Variants in PLAA observed in about 807,000 individuals in gnomAD.
The protein encoded by PLAA is phospholipase A-2-activating protein.
A neutral mutation model predicts 84.1 loss-of-function variants in PLAA; 48 were observed. The observed-to-expected ratio is 0.57, with a 90% confidence interval of 0.45 to 0.73. The LOEUF (loss-of-function observed/expected upper bound fraction) is 0.73, where lower values mean the gene tolerates loss of function less well. Among genes scored for constraint, PLAA ranks in the 30% least tolerant of loss-of-function variants. PLAA has a pLI of 0.00. For synonymous variants in PLAA, 392 were observed against 336.6 expected, an observed-to-expected ratio of 1.16 and a Z score of -1.80; for missense variants, 903 against 954.7, an observed-to-expected ratio of 0.95 and a Z score of 0.71.
chr9:26,919,705 T>C lies in PLAA; in HGVS notation c.1198-176A>G, dbSNP rs141361903. On this transcript the variant is annotated intron_variant, in intron 8 of 13. Coordinates refer to ENST00000397292, the MANE Select transcript of PLAA (RefSeq NM_001031689.3). ...TAAAGATTAACAGCCCCCATCTGCA[T>C]GTGATGCAAAATTAGTATTTCATTA... Among the ~76,000 whole-genome samples the C allele has an allele frequency of 2.1e-3, 325 of 152,318 alleles. 3 individuals carry two copies. Among genetic ancestry groups the C allele is most frequent in the African/African-American group, 7.4e-3 (308 of 41,574 alleles).
chr9:26,918,288 A>ATTT (rs1185916022), intron 9 of PLAA, among the ~76,000 whole-genome samples: 3,037 of 95,650 alleles, frequency 0.032, 173 homozygotes, highest in African/African-American at 0.11. Flanking sequence ...AATTTTTTGT[A>ATTT]TTTTTTTTTT....
At chr9:26,932,144 T>C (rs1197027454) in intron 2 of PLAA, among the ~76,000 whole-genome samples, 4 of 152,150 alleles carry the variant, frequency 2.6e-5, no homozygotes, top group Non-Finnish European at 5.9e-5. Context: ...CTTATTTGGG[T>C]CAGAATTCAA....
Position 26,947,236 on chromosome 9 carries a change from C to T in PLAA, c.-191G>A, listed in dbSNP as rs1364154723. 3.3e-6 allele frequency: 2 copies of T among 598,386 alleles called. No homozygotes were observed. The highest frequency in any genetic ancestry group is 3.9e-5 in the African/African-American group (2 of 50,810). 37.1% of individuals were successfully genotyped at this position (598,386 alleles called of 1,614,324 possible). On this transcript the variant is annotated 5_prime_UTR_variant, in exon 1 of 14. Transcript: ENST00000397292. ...GCGCCGAGCGGGCCGAGTGACACAGCAAGCCTGACAGGCACTCCGGAATTC... is the reference window on the plus strand; with the variant it reads ...GCGCCGAGCGGGCCGAGTGACACAGTAAGCCTGACAGGCACTCCGGAATTC...
chr9:26,946,270 CTT>C (rs564163575), intron 1 of PLAA, among the ~76,000 whole-genome samples: 1 of 146,610 alleles, frequency 6.8e-6, no homozygotes. Flanking sequence ...CCTTTTTCTT[CTT>C]TTTTTTTTTG....
At chr9:26,943,185 G>A (rs76711215) in intron 1 of PLAA, among the ~76,000 whole-genome samples, 1 of 152,116 alleles carries the variant, frequency 6.6e-6, no homozygotes, top group Non-Finnish European at 1.5e-5. Flanking sequence ...CTAGCTTATA[G>A]AGACCTGAAG....
Position 26,905,821 on chromosome 9 carries a change from C to T in PLAA, c.2078G>A (p.Gly693Glu). 1.2e-6 allele frequency: 2 copies of T among 1,614,056 alleles called. No individual in the cohort carries two copies. The highest frequency in any genetic ancestry group is 1.7e-6 in the Non-Finnish European group (2 of 1,179,986). The change falls in exon 14 of 14, where the codon GGG becomes GAG. Residue 693 changes from glycine to glutamate, a missense_variant. Transcript: ENST00000397292. ...LMSHAIELKS[G>E]SNKNIHIALA... ...AGCAATGTGAATGTTCTTATTGCTC[C>T]CTGATTTCAGTTCTATTGCATGGGA...
intron 1 of PLAA, among the ~76,000 whole-genome samples, chr9:26,944,831 A>C (rs1825638273): frequency 6.6e-6 from 1 of 152,208 alleles, no homozygotes; most frequent in Non-Finnish European, 1.5e-5. Context: ...AAACAAAAAC[A>C]AAAAAATCAT....
At chr9:26,939,154 T>C (rs900039234) in intron 1 of PLAA, among the ~76,000 whole-genome samples, 3 of 152,092 alleles carry the variant, frequency 2.0e-5, no homozygotes, top group African/African-American at 4.8e-5. Context: ...TTTGGGAGGC[T>C]GAGGCCGGCG....
intron 2 of PLAA, among the ~76,000 whole-genome samples, chr9:26,933,334 C>G (rs1315824934): frequency 6.6e-6 from 1 of 151,384 alleles, no homozygotes; most frequent in Non-Finnish European, 1.5e-5. Flanking sequence ...ACTCTGGAGG[C>G]TGAGGCAGGA....
At chr9:26,930,070 C>T (rs1825125067) in intron 2 of PLAA, among the ~76,000 whole-genome samples, 1 of 151,556 alleles carries the variant, frequency 6.6e-6, no homozygotes, top group African/African-American at 2.4e-5. Flanking sequence ...AAGGAAGGCA[C>T]ATGCTTTTAA....
intron 12 of PLAA, among the ~76,000 whole-genome samples, chr9:26,908,699 C>G (rs1286669962): frequency 6.6e-6 from 1 of 151,896 alleles, no homozygotes; most frequent in Non-Finnish European, 1.5e-5. Flanking sequence ...GTGAAAAACT[C>G]CTGACCTCAA....
rs767914103 is a variant in PLAA, at chr9:26,947,034, G to A, written c.12C>T (p.Gly4=). 2.5e-6 allele frequency: 4 copies of A among 1,584,524 alleles called. No individual in the cohort carries two copies. In the East Asian group the frequency reaches 9.2e-5, roughly 37 times the overall value. MTS[G]ATRYRLSCSL... ...AGCAGCTCAGCCGGTACCTGGTTGC[G>A]CCGCTCGTCATGGCCAGTGTCTGTC... The change falls in exon 1 of 14, where the codon GGC becomes GGT. Residue 4 remains glycine (G), a synonymous_variant. Coordinates refer to ENST00000397292, the MANE Select transcript of PLAA (RefSeq NM_001031689.3).
At chr9:26,938,060 C>G (rs923639340) in intron 1 of PLAA, among the ~76,000 whole-genome samples, 2 of 151,982 alleles carry the variant, frequency 1.3e-5, no homozygotes, top group African/African-American at 4.8e-5. Flanking sequence ...CAACAAACTC[C>G]AAGAAGATAA....
In PLAA at chr9:26,947,008, G is replaced by C; in HGVS notation, c.38C>G (p.Ser13Trp). The C allele has an allele frequency of 6.3e-7, 1 of 1,593,344 alleles. No homozygotes were observed. The highest frequency in any genetic ancestry group is 8.5e-7 in the Non-Finnish European group (1 of 1,170,778). The change falls in exon 1 of 14, where the codon TCG becomes TGG. Residue 13 changes from serine (S) to tryptophan (W), a missense_variant. By Grantham distance (177) the Ser-to-Trp change is radical (BLOSUM62 -3). Coordinates refer to ENST00000397292, the MANE Select transcript of PLAA (RefSeq NM_001031689.3). The stretch of plus-strand genomic sequence containing the variant: ...TACGTCCAGCTCGTGGCCCCGGAGC[G>C]AGCAGCTCAGCCGGTACCTGGTTGC... ...SGATRYRLSC[S>W]LRGHELDVRG...
rs1824835624 is a variant in PLAA at position 26,923,351 on chromosome 9, T to C, written c.870-4A>G. 2 of 1,588,346 alleles carry C rather than the reference T, an allele frequency of 1.3e-6. No homozygotes were observed. The highest frequency in any genetic ancestry group is 3.5e-5 in the Admixed American group (2 of 57,306). On this transcript the variant is annotated splice_region_variant and splice_polypyrimidine_tract_variant and intron_variant, in intron 6 of 13. Coordinates refer to ENST00000397292, the MANE Select transcript of PLAA (RefSeq NM_001031689.3). ...AAACACTCTAATAATGCCATCACTG[T>C]AAGGAAAAATAAACTGATTTTAGAA...
intron 1 of PLAA, among the ~76,000 whole-genome samples, chr9:26,946,680 A>G (rs1825732269): frequency 1.3e-5 from 2 of 152,224 alleles, no homozygotes; most frequent in African/African-American, 2.4e-5. Flanking sequence ...TTAGCACAAC[A>G]AGGCAGGTCT....
chr9:26,923,229 C>G lies in PLAA; in HGVS notation c.988G>C (p.Gly330Arg), dbSNP rs2131386896. 6.2e-7 allele frequency: 1 copy of G among 1,613,478 alleles called. No individual in the cohort carries two copies. The change falls in exon 7 of 14, where the codon GGG (glycine) becomes CGG (arginine). Residue 330 changes from glycine (G) to arginine (R), a missense_variant. Physicochemically the swap from Gly to Arg is moderately radical, Grantham distance 125 (BLOSUM62 -2). Transcript: ENST00000397292. ...GGAAGCTGCTCAGCATTGATGTCCC[C>G]TAAATCGCCAGTTTTAGAATCAATG... ...ATIDSKTGDLGDINAEQLPGR... is the reference protein window; with the variant it reads ...ATIDSKTGDLRDINAEQLPGR...
At chr9:26,945,432 G>C (rs1825662823) in intron 1 of PLAA, among the ~76,000 whole-genome samples, 1 of 152,180 alleles carries the variant, frequency 6.6e-6, no homozygotes, top group South Asian at 2.1e-4. Flanking sequence ...TTACTAAGTA[G>C]TTTTGGATAT....
rs1824224157 is a variant in PLAA, at chr9:26,905,987, G to C, written c.1912C>G (p.Gln638Glu). The C allele has an allele frequency of 1.2e-6, 2 of 1,613,794 alleles. No individual in the cohort carries two copies. Among genetic ancestry groups the C allele is most frequent in the Non-Finnish European group, 1.7e-6 (2 of 1,179,828 alleles). ...AGATTGATAAGATGACTGCTGAACT[G>C]AGCCCCTTCCTTTTCATTGCAGAAG... ...ENFCNEKEGAQFSSHLINLLN... is the reference protein window; with the variant it reads ...ENFCNEKEGAEFSSHLINLLN... The change falls in exon 14 of 14, where the codon CAG (glutamine) becomes GAG (glutamate). Residue 638 changes from glutamine to glutamate, a missense_variant. Physicochemically the swap from Gln to Glu is conservative, Grantham distance 29. Transcript: ENST00000397292.
Sources: allele counts gnomAD v4.1 joint callset (sites outside exome capture counted in the v4.1 genomes callset), GRCh38; gene constraint gnomAD v4.1.1; transcripts MANE v1.5; gene names NCBI Gene and HGNC (gene_info 2026-07-23, HGNC 2026-07-21).